ATP2B1: variants seen among roughly 807,000 people sequenced by gnomAD.
The protein encoded by ATP2B1 is ATPase plasma membrane Ca2+ transporting 1.
In ATP2B1, 14 loss-of-function variants were observed where a neutral mutation model predicts 124.2. The ratio of observed to expected loss-of-function variants is 0.11; its 90% confidence interval spans 0.07 to 0.18. ATP2B1 has a LOEUF of 0.18. Among genes scored for constraint, ATP2B1 ranks in the 10% least tolerant of loss-of-function variants. The probability of loss-of-function intolerance (pLI) is 1.00; values close to 1 mark genes in which losing one functional copy is unlikely to be tolerated. For missense variants in ATP2B1, 763 were observed against 1,466.1 expected (o/e 0.52, Z 7.83); for synonymous variants, 449 against 492.4 (o/e 0.91, Z 1.17).
At chr12:89,675,826 G>A (rs1592944326) in intron 1 of ATP2B1, among the ~76,000 whole-genome samples, 2 of 152,102 alleles carry the variant, frequency 1.3e-5, no homozygotes, top group Non-Finnish European at 2.9e-5. Flanking sequence ...TCTGGGGAAA[G>A]ATACTACTTT....
At chr12:89,593,993 A>C (rs1446307695) in intron 20 of ATP2B1, 1 of 151,988 alleles carries the variant, frequency 6.6e-6, no homozygotes, top group Non-Finnish European at 1.5e-5. Context: ...CCCTAACTTC[A>C]CTTGAATAAA....
Position 89,655,661 on chromosome 12 carries a change from A to G in ATP2B1, c.208+18T>C. On this transcript the variant is annotated intron_variant, in intron 2 of 20. Coordinates refer to ENST00000428670, the MANE Select transcript of ATP2B1 (RefSeq NM_001366521.1). Reference sequence around the variant, plus strand: ...ACTCTTTGCACAAAGAACCAAAAACAAGCATAATAAAACTCACCTTCATTG... The same window carrying G: ...ACTCTTTGCACAAAGAACCAAAAACGAGCATAATAAAACTCACCTTCATTG... The G allele has an allele frequency of 6.2e-7, 1 of 1,610,094 alleles. No homozygotes were observed. Among genetic ancestry groups the G allele is most frequent in the Non-Finnish European group, 8.5e-7 (1 of 1,176,472 alleles).
chr12:89,696,456 A>G (rs1229714517), intron 1 of ATP2B1, among the ~76,000 whole-genome samples: 1 of 152,146 alleles, frequency 6.6e-6, no homozygotes, highest in Non-Finnish European at 1.5e-5. Context: ...CATAGGATAC[A>G]ACATTATTAA....
At chr12:89,650,281 C>T (rs1885072786) in intron 2 of ATP2B1, among the ~76,000 whole-genome samples, 1 of 152,134 alleles carries the variant, frequency 6.6e-6, no homozygotes, top group South Asian at 2.1e-4. Context: ...CTAATATTCT[C>T]ATGATTTTCT....
At chr12:89,673,139 T>C (rs1013812194) in intron 1 of ATP2B1, among the ~76,000 whole-genome samples, 1 of 152,220 alleles carries the variant, frequency 6.6e-6, no homozygotes, top group African/African-American at 2.4e-5. Flanking sequence ...AGCTATCTCA[T>C]AGTATGTTAA....
At chr12:89,644,260 C>A (rs988619525) in intron 2 of ATP2B1, among the ~76,000 whole-genome samples, 1 of 152,104 alleles carries the variant, frequency 6.6e-6, no homozygotes, top group African/African-American at 2.4e-5. Context: ...AAGAGAACAT[C>A]AAAGGAGGAA....
At chr12:89,640,754 T>C (rs1565858028) in intron 3 of ATP2B1, among the ~76,000 whole-genome samples, 1 of 151,968 alleles carries the variant, frequency 6.6e-6, no homozygotes, top group East Asian at 1.9e-4. Flanking sequence ...GGTGACTACT[T>C]CACACAAGAG....
rs372706920 is a variant in ATP2B1, at chr12:89,685,894, A to G, written c.-222+22702T>C. 3.5e-4 allele frequency among the ~76,000 whole-genome samples: 54 copies of G among 152,202 alleles called. No homozygotes were observed. The East Asian group carries it at 8.6e-3, about 24-fold the overall frequency. Reference sequence around the variant, plus strand: ...AAAAAGGCCATATGAGGACACAGCAAGAAGAAGGCCATCAGCAAGCCAAGG... The same window carrying G: ...AAAAAGGCCATATGAGGACACAGCAGGAAGAAGGCCATCAGCAAGCCAAGG... On this transcript the variant is annotated intron_variant, in intron 1 of 20. Coordinates refer to ENST00000428670, the MANE Select transcript of ATP2B1 (RefSeq NM_001366521.1).
At chr12:89,692,670 G>A (rs1386391887) in intron 1 of ATP2B1, among the ~76,000 whole-genome samples, 1 of 152,102 alleles carries the variant, frequency 6.6e-6, no homozygotes, top group African/African-American at 2.4e-5. Context: ...TTTGAACTTC[G>A]TGTGGTAGGA....
In ATP2B1 at chr12:89,642,819, G is replaced by A. The variant is rs555168666; in HGVS notation, c.209-464C>T. On this transcript the variant is annotated intron_variant, in intron 2 of 20. Coordinates refer to ENST00000428670, the MANE Select transcript of ATP2B1 (RefSeq NM_001366521.1). ...AGGGTTTCACCATGTTGGTCAGGCT[G>A]GTCTTGAACTCCTGACCTAAGGTGA... Among the ~76,000 whole-genome samples, 153 of 148,356 alleles carry A rather than the reference G, an allele frequency of 1.0e-3. 1 individual carries two copies. Among genetic ancestry groups the A allele is most frequent in the African/African-American group, 3.6e-3 (147 of 41,340 alleles).
rs748360544 is a variant in ATP2B1, at chr12:89,604,389, A to G, written c.2443-43T>C. On this transcript the variant is annotated intron_variant, in intron 15 of 20. Transcript: ENST00000428670. ...GTGAATTAGACTAAATGTTTTAAGT[A>G]TAACTTTCAAATAGTCAAAAAATAC... The G allele has an allele frequency of 2.0e-6, 3 of 1,478,486 alleles. No individual in the cohort carries two copies. In the South Asian group the frequency reaches 3.9e-5, roughly 19 times the overall value. 91.6% of individuals were successfully genotyped at this position (1,478,486 alleles called of 1,614,324 possible). A position where few individuals can be genotyped will look rare whatever the true frequency, so the allele number is the denominator to read the frequency against.
In ATP2B1 at chr12:89,598,763, G is replaced by T. The variant is rs779049824; in HGVS notation, c.3351+354C>A. ...ATCCATCTGCAAGGAATCAGAGATT[G>T]TGACAGCTTGCTCAGCAAGAGAGAG... On this transcript the variant is annotated intron_variant, in intron 20 of 20. Transcript: ENST00000428670. The T allele has an allele frequency of 9.9e-6, 16 of 1,613,214 alleles. No homozygotes were observed. In the South Asian group the frequency reaches 1.6e-4, roughly 17 times the overall value.
At chr12:89,607,923 T>C (rs1443173551) in intron 15 of ATP2B1, among the ~76,000 whole-genome samples, 1 of 152,082 alleles carries the variant, frequency 6.6e-6, no homozygotes, top group African/African-American at 2.4e-5. Context: ...GAACACACAC[T>C]TTATCTATAG....
rs1230457203 is a variant in ATP2B1, at chr12:89,624,364, A to T, written c.1163T>A (p.Leu388Gln). ...LLMSAITVII[L>Q]VLYFVIDTFW... ...GGTGTCAATGACAAAATATAATACTAGAATGATAACTGTGATGGCAGACAT... is the reference window on the plus strand; with the variant it reads ...GGTGTCAATGACAAAATATAATACTTGAATGATAACTGTGATGGCAGACAT... The change falls in exon 9 of 21, where the codon CTA (leucine) becomes CAA (glutamine). Residue 388 changes from leucine (L) to glutamine (Q), a missense_variant. Transcript: ENST00000428670. The T allele has an allele frequency of 6.2e-7, 1 of 1,614,066 alleles. No individual in the cohort carries two copies. Among genetic ancestry groups the T allele is most frequent in the Non-Finnish European group, 8.5e-7 (1 of 1,179,948 alleles).
intron 11 of ATP2B1, among the ~76,000 whole-genome samples, chr12:89,619,618 T>TTA (rs1555197515): frequency 1.1e-4 from 13 of 123,114 alleles, no homozygotes; most frequent in Middle Eastern, 7.8e-3. Context: ...CTTAAACAAA[T>TTA]AAAAAAAAAA....
chr12:89,682,790 G>A (rs1187758496), intron 1 of ATP2B1, among the ~76,000 whole-genome samples: 2 of 152,104 alleles, frequency 1.3e-5, no homozygotes, highest in African/African-American at 4.8e-5. Flanking sequence ...ACAGGGTAAG[G>A]TTTAACTGTG....
intron 9 of ATP2B1, among the ~76,000 whole-genome samples, chr12:89,623,917 G>A (rs555373989): frequency 6.6e-6 from 1 of 152,306 alleles, no homozygotes; most frequent in South Asian, 2.1e-4. Flanking sequence ...CTATCACGTA[G>A]AGAAAATTAT....
intron 9 of ATP2B1, among the ~76,000 whole-genome samples, chr12:89,622,776 A>G (rs1373088941): frequency 2.0e-5 from 3 of 152,166 alleles, no homozygotes; most frequent in African/African-American, 7.2e-5. Context: ...CCTCTGTGAA[A>G]AGAACAGTAA....
chr12:89,643,182 GTATGTATA>G (rs908284791), intron 2 of ATP2B1, among the ~76,000 whole-genome samples: 12 of 145,676 alleles, frequency 8.2e-5, no homozygotes, highest in African/African-American at 1.6e-4. Flanking sequence ...ATATGTATAT[GTATGTATA>G]TATGTATATA....
Sources: gnomAD v4.1 joint callset for allele counts (sites outside exome capture counted in the v4.1 genomes callset) on GRCh38, gnomAD v4.1.1 for gene constraint, MANE v1.5 for transcripts, NCBI Gene and HGNC (gene_info 2026-07-23, HGNC 2026-07-21) for gene names.